COL18A1: variants seen among roughly 807,000 people sequenced by gnomAD.
COL18A1 encodes collagen alpha-1(XVIII) chain.
Under a neutral mutation model 168.0 loss-of-function variants are expected in COL18A1, and 133 were observed. That is an observed-to-expected ratio of 0.79 (90% CI 0.69 to 0.91). The LOEUF (loss-of-function observed/expected upper bound fraction) is 0.91. Ranked by LOEUF, COL18A1 falls within the 40% of genes least tolerant of loss-of-function variation. COL18A1 has a pLI of 0.00. For missense variants in COL18A1, 2,126 were observed against 1,925.4 expected, an observed-to-expected ratio of 1.10 and a Z score of -1.95; for synonymous variants, 949 against 809.0, an observed-to-expected ratio of 1.17 and a Z score of -2.94.
intron 2 of COL18A1, 55 bp downstream of exon 2, chr21:45,405,528 C>T: frequency 8.7e-7 from 1 of 1,147,954 alleles, no homozygotes; most frequent in Non-Finnish European, 1.1e-6. Flanking sequence ...GCCTCGCCGC[C>T]CTGGCTGGGG....
intron 21 of COL18A1, 87 bp from the exon 22 acceptor site, chr21:45,491,137 TG>T: frequency 8.2e-7 from 1 of 1,223,998 alleles, no homozygotes; most frequent in Non-Finnish European, 1.2e-6. Context: ...CCGTGGGCTC[TG>T]GGCACCCCCT....
intron 32 of COL18A1, among the ~76,000 whole-genome samples, chr21:45,501,209 T>C (rs1020010839): frequency 6.6e-6 from 1 of 151,960 alleles, no homozygotes; most frequent in Non-Finnish European, 1.5e-5. Context: ...AGAAATTGAG[T>C]AATTCTACAT....
chr21:45,488,625 C>T (rs2036196019), intron 18 of COL18A1, among the ~76,000 whole-genome samples, 181 bp downstream of exon 18: 1 of 152,134 alleles, frequency 6.6e-6, no homozygotes. Flanking sequence ...CGCACACCAA[C>T]CCCAACCTAG....
chr21:45,472,189 C>T (rs983365437), intron 3 of COL18A1, among the ~76,000 whole-genome samples: 3 of 152,004 alleles, frequency 2.0e-5, no homozygotes, highest in Admixed American at 6.5e-5. Context: ...ATGCACCCCC[C>T]GCCCGGGCTG....
At chr21:45,501,204 TTGAG>T (rs1448104613) in intron 32 of COL18A1, among the ~76,000 whole-genome samples, 15 of 151,592 alleles carry the variant, frequency 9.9e-5, no homozygotes, top group Non-Finnish European at 2.2e-4. Flanking sequence ...ACCAGAGAAA[TTGAG>T]TAATTCTACA....
chr21:45,505,541 G>A, intron 36 of COL18A1, 110 bp downstream of exon 36: 1 of 721,522 alleles, frequency 1.4e-6, no homozygotes, highest in East Asian at 2.7e-5. Flanking sequence ...AGATATACAG[G>A]AGGCCAAGAT....
At chr21:45,501,012 G>T (rs12482684) in intron 32 of COL18A1, among the ~76,000 whole-genome samples, 158 of 9,224 alleles carry the variant, frequency 0.017, 11 homozygotes, top group African/African-American at 0.036. Flanking sequence ...GTTGGGTGTG[G>T]AGTGTGGGGG....
intron 2 of COL18A1, chr21:45,455,906 C>T (rs1330741391): frequency 6.2e-7 from 1 of 1,613,098 alleles, no homozygotes; most frequent in South Asian, 1.1e-5. Context: ...GAGCTTCGTC[C>T]AGCTGTGGAA....
intron 2 of COL18A1, among the ~76,000 whole-genome samples, chr21:45,437,357 C>CACACACTCACACTCACACAGACAG (rs2034161150): frequency 2.6e-5 from 1 of 38,504 alleles, no homozygotes; most frequent in Non-Finnish European, 4.9e-5. Flanking sequence ...CACTCTCCTG[C>CACACACTCACACTCACACAGACAG]GCACACACAC....
At chr21:45,475,191 T>C (rs1206906036) in intron 4 of COL18A1, among the ~76,000 whole-genome samples, 3 of 152,052 alleles carry the variant, frequency 2.0e-5, no homozygotes, top group Non-Finnish European at 4.4e-5. Flanking sequence ...AGGAGCGCGT[T>C]CCCCCTCCCG....
rs2034926541 is a variant in COL18A1, at chr21:45,458,527, C to G, written c.107-9715C>G. Among the ~76,000 whole-genome samples the G allele has an allele frequency of 2.0e-5, 3 of 152,276 alleles. No homozygotes were observed. In the South Asian group the frequency reaches 6.2e-4, roughly 32 times the overall value. On this transcript the variant is annotated intron_variant, in intron 2 of 41. Coordinates refer to ENST00000651438, the MANE Select transcript of COL18A1 (RefSeq NM_001379500.1). ...CACTCATCCTCCGTCCCTGGAACAC[C>G]CAAATGCCCAGCAAGCACCAGCCGC...
chr21:45,469,043 C>G (rs1291352590), intron 3 of COL18A1, among the ~76,000 whole-genome samples: 1 of 152,226 alleles, frequency 6.6e-6, no homozygotes, highest in African/African-American at 2.4e-5. Context: ...CCTGCGCCCC[C>G]AGGAAGGGTA....
chr21:45,413,254 C>G (rs542704937), intron 2 of COL18A1, among the ~76,000 whole-genome samples: 11 of 152,242 alleles, frequency 7.2e-5, no homozygotes, highest in Non-Finnish European at 1.6e-4. Flanking sequence ...TACTGAGCCC[C>G]GCGCTGTGCC....
rs774457518 is a variant in COL18A1 at position 45,425,641 on chromosome 21, G to A, written c.106+20168G>A. 3.9e-5 allele frequency among the ~76,000 whole-genome samples: 6 copies of A among 152,148 alleles called. No individual in the cohort carries two copies. The highest frequency in any genetic ancestry group is 8.8e-5 in the Non-Finnish European group (6 of 68,030). On this transcript the variant is annotated intron_variant, in intron 2 of 41. Coordinates refer to ENST00000651438, the MANE Select transcript of COL18A1 (RefSeq NM_001379500.1). The surrounding 1 kb of genome is among the most constrained non-coding windows in gnomAD (Gnocchi z 4.1). ...TGTCTGGAGTCAGAGGGTCCCTCTC[G>A]TCGTCCAGCCTCCCCGGCTCCTCAG...
At chr21:45,496,625 C>T (rs2036553227) in intron 30 of COL18A1, 57 bp downstream of exon 30, 1 of 856,096 alleles carries the variant, frequency 1.2e-6, no homozygotes, top group Non-Finnish European at 2.0e-6. Flanking sequence ...ACACAGAGCC[C>T]CACAGAGGGG....
At chr21:45,456,256 G>A (rs767571894) in intron 2 of COL18A1, 10 of 1,559,122 alleles carry the variant, frequency 6.4e-6, no homozygotes, top group African/African-American at 1.4e-5. Flanking sequence ...AAGGACTCTC[G>A]CCCGCCGCAG....
chr21:45,467,281 G>T (rs754884708), intron 2 of COL18A1: 7 of 985,464 alleles, frequency 7.1e-6, no homozygotes, highest in Non-Finnish European at 7.2e-6. Context: ...GGATGGACAG[G>T]GCTCCTTCTG....
At chr21:45,439,536 C>G (rs561676007) in intron 2 of COL18A1, among the ~76,000 whole-genome samples, 4 of 152,252 alleles carry the variant, frequency 2.6e-5, no homozygotes, top group Non-Finnish European at 5.9e-5. Context: ...GACTTCGGTG[C>G]CTGCTGAGAA....
chr21:45,494,515 C>T, intron 26 of COL18A1, 30 bp from the exon 27 acceptor site: 1 of 1,613,362 alleles, frequency 6.2e-7, no homozygotes, highest in Non-Finnish European at 8.5e-7. Context: ...AAGCTGCCAC[C>T]TAACCCTGTC....
Sources: allele counts gnomAD v4.1 joint callset (sites outside exome capture counted in the v4.1 genomes callset), GRCh38; gene constraint gnomAD v4.1.1; non-coding constraint Gnocchi (gnomAD v3.1); transcripts MANE v1.5; gene names NCBI Gene and HGNC (gene_info 2026-07-23, HGNC 2026-07-21).